The following TBC1D22A variants were observed in gnomAD, a reference collection of about 807,000 sequenced individuals.
TBC1D22A encodes the protein putative GTPase activator.
TBC1D22A carries 38 observed loss-of-function variants against 60.2 expected under a neutral mutation model. The ratio of observed to expected loss-of-function variants is 0.63; its 90% confidence interval spans 0.49 to 0.83. The LOEUF (loss-of-function observed/expected upper bound fraction) is 0.83, where lower values mean the gene tolerates loss of function less well. TBC1D22A is among the 40% of genes least tolerant of loss of function. TBC1D22A has a pLI of 0.00. For missense variants in TBC1D22A, 628 were observed against 701.0 expected (o/e 0.90, Z 1.18); for synonymous variants, 302 against 281.7 (o/e 1.07, Z -0.72).
At chr22:47,126,125 G>A (rs1044563598) in intron 12 of TBC1D22A, among the ~76,000 whole-genome samples, 4 of 152,148 alleles carry the variant, frequency 2.6e-5, no homozygotes, top group African/African-American at 9.7e-5. Flanking sequence ...GGGACTACAG[G>A]CACACGCTAC....
At chr22:46,867,332 A>G (rs2067103668) in intron 4 of TBC1D22A, among the ~76,000 whole-genome samples, 1 of 152,196 alleles carries the variant, frequency 6.6e-6, no homozygotes, top group South Asian at 2.1e-4. Context: ...AACCTCTGGC[A>G]CAACCTCTGG....
chr22:46,769,183 C>G (rs74882014), intron 1 of TBC1D22A, among the ~76,000 whole-genome samples: 11,369 of 151,226 alleles, frequency 0.075, 599 homozygotes, highest in Non-Finnish European at 0.11. Flanking sequence ...TGGGATAAAG[C>G]TGGAGCACAA....
intron 10 of TBC1D22A, among the ~76,000 whole-genome samples, chr22:47,018,541 C>G (rs2061977825): frequency 6.6e-6 from 1 of 152,200 alleles, no homozygotes; most frequent in East Asian, 1.9e-4. Flanking sequence ...CACTCTCTCC[C>G]CTGCTTGGGC....
chr22:47,066,649 C>T (rs2063781978), intron 11 of TBC1D22A, among the ~76,000 whole-genome samples: 1 of 152,224 alleles, frequency 6.6e-6, no homozygotes, highest in Admixed American at 6.5e-5. Flanking sequence ...CTCTGTCCCA[C>T]AGTTCCCTGT....
At chr22:47,094,503 C>G (rs2065096536) in intron 11 of TBC1D22A, among the ~76,000 whole-genome samples, 1 of 152,178 alleles carries the variant, frequency 6.6e-6, no homozygotes, top group African/African-American at 2.4e-5. Flanking sequence ...TAGCCTGCCT[C>G]CTACCCCACC....
intron 11 of TBC1D22A, among the ~76,000 whole-genome samples, chr22:47,088,791 G>A (rs13053594): frequency 6.6e-6 from 1 of 151,974 alleles, no homozygotes; most frequent in African/African-American, 2.4e-5. Context: ...TGGACCTGCC[G>A]ATCAATTGCA....
Position 46,891,888 on chromosome 22 carries a change from C to T in TBC1D22A, c.837+494C>T, listed in dbSNP as rs150521060. Among the ~76,000 whole-genome samples, 123 of 152,270 alleles carry T rather than the reference C, an allele frequency of 8.1e-4. 1 individual carries two copies. Among genetic ancestry groups the T allele is most frequent in the African/African-American group, 2.9e-3 (121 of 41,552 alleles). On this transcript the variant is annotated intron_variant, in intron 6 of 12. Transcript: ENST00000337137. ...TTCATCAGTTTGGTTTTGCAGGGGACACACTTCAGATCATAGCAGAAGGTG... is the reference window on the plus strand; with the variant it reads ...TTCATCAGTTTGGTTTTGCAGGGGATACACTTCAGATCATAGCAGAAGGTG...
chr22:46,963,475 A>G (rs914973051), intron 8 of TBC1D22A, among the ~76,000 whole-genome samples: 1 of 152,198 alleles, frequency 6.6e-6, no homozygotes, highest in African/African-American at 2.4e-5. Flanking sequence ...TTGGCTCTGA[A>G]TGGAGCAGGC....
chr22:47,015,328 G>T (rs969564572), intron 10 of TBC1D22A, among the ~76,000 whole-genome samples: 3 of 152,200 alleles, frequency 2.0e-5, no homozygotes, highest in South Asian at 4.1e-4. Context: ...TGGGGAGGGC[G>T]GCTCGCTTTA....
intron 11 of TBC1D22A, among the ~76,000 whole-genome samples, chr22:47,097,619 A>G (rs1225692015): frequency 6.6e-6 from 1 of 151,914 alleles, no homozygotes; most frequent in Non-Finnish European, 1.5e-5. Flanking sequence ...TCAAAAAAAA[A>G]AGAAAGAAAA....
chr22:47,072,974 G>A (rs116592640), intron 11 of TBC1D22A, among the ~76,000 whole-genome samples: 1,762 of 152,330 alleles, frequency 0.012, 29 homozygotes, highest in African/African-American at 0.041. Flanking sequence ...TTTTGGTTCT[G>A]GGGTCAGATT....
chr22:46,994,830 C>T (rs1298601249), intron 9 of TBC1D22A, among the ~76,000 whole-genome samples: 1 of 152,176 alleles, frequency 6.6e-6, no homozygotes, highest in Non-Finnish European at 1.5e-5. Context: ...TCAGTGTGCT[C>T]CTGTTATCCA....
At chr22:47,151,434 A>G (rs1252597320) in intron 12 of TBC1D22A, among the ~76,000 whole-genome samples, 2 of 152,268 alleles carry the variant, frequency 1.3e-5, no homozygotes, top group Admixed American at 6.5e-5. Context: ...AATAATTTTC[A>G]CAATGTATAT....
intron 12 of TBC1D22A, among the ~76,000 whole-genome samples, chr22:47,112,004 G>A (rs1038354101): frequency 1.1e-4 from 16 of 152,190 alleles, no homozygotes; most frequent in African/African-American, 3.1e-4. Context: ...AGCCTGGGGT[G>A]CCTTCCAGCC....
chr22:46,947,401 G>A, intron 8 of TBC1D22A, among the ~76,000 whole-genome samples: 1 of 151,944 alleles, frequency 6.6e-6, no homozygotes, highest in Non-Finnish European at 1.5e-5. Context: ...GTGACTTAGC[G>A]CTGCGCATTA....
intron 1 of TBC1D22A, 44 bp downstream of exon 1, chr22:46,762,892 G>A: frequency 6.8e-7 from 1 of 1,465,884 alleles, no homozygotes; most frequent in Non-Finnish European, 9.0e-7. Flanking sequence ...GGGGTCAGAG[G>A]TCAGGTGGCC....
At chr22:46,913,419 T>C (rs1396627123) in intron 8 of TBC1D22A, 2 of 1,366,100 alleles carry the variant, frequency 1.5e-6, no homozygotes, top group Non-Finnish European at 2.0e-6. Context: ...ATGAACAGAT[T>C]ATCCTCAGAA....
intron 4 of TBC1D22A, among the ~76,000 whole-genome samples, chr22:46,875,990 G>A (rs2067543152): frequency 1.3e-5 from 2 of 152,170 alleles, no homozygotes; most frequent in Admixed American, 1.3e-4. Flanking sequence ...GAAGAGATAA[G>A]TGAGTGAGGA....
At chr22:46,863,871 G>A (rs1465302707) in intron 4 of TBC1D22A, among the ~76,000 whole-genome samples, 2 of 151,980 alleles carry the variant, frequency 1.3e-5, no homozygotes, top group East Asian at 1.9e-4. Context: ...CCTGTCTGCC[G>A]GCCTCATGGA....
Sources: gnomAD v4.1 joint callset for allele counts (sites outside exome capture counted in the v4.1 genomes callset) on GRCh38, gnomAD v4.1.1 for gene constraint, MANE v1.5 for transcripts, NCBI Gene and HGNC (gene_info 2026-07-23, HGNC 2026-07-21) for gene names.